The following EPSTI1 variants were observed in gnomAD, a reference collection of about 807,000 sequenced individuals.
EPSTI1 encodes epithelial stromal interaction 1.
A neutral mutation model predicts 49.9 loss-of-function variants in EPSTI1; 66 were observed. The ratio of observed to expected loss-of-function variants is 1.32; its 90% CI spans 1.08 to 1.62. The LOEUF is 1.62. Ranked by LOEUF, EPSTI1 falls within the 40% of genes most tolerant of loss-of-function variation. EPSTI1 has a pLI of 0.00. For missense variants in EPSTI1, 394 were observed against 365.5 expected (o/e 1.08, Z -0.64); for synonymous variants, 137 against 130.7 (o/e 1.05, Z -0.33).
Position 42,926,211 on chromosome 13 carries a change from A to T in EPSTI1, c.657+125T>A, listed in dbSNP as rs530914377. 5 of 695,206 alleles carry T rather than the reference A, an allele frequency of 7.2e-6. No homozygotes were observed. In the East Asian group the frequency reaches 1.2e-4, roughly 17 times the overall value. 43.1% of individuals were successfully genotyped at this position (695,206 alleles called of 1,614,324 possible). A position where few individuals can be genotyped will look rare whatever the true frequency, so the allele number is the denominator to read the frequency against. On this transcript the variant is annotated intron_variant, in intron 7 of 10. Coordinates refer to ENST00000313624, the MANE Select transcript of EPSTI1 (RefSeq NM_033255.5). ...GCAACAGTTGAGGTCAAAGTTTCGGATCAGGTCATCTGTCTTTAGTTCCAG... is the reference window on the plus strand; with the variant it reads ...GCAACAGTTGAGGTCAAAGTTTCGGTTCAGGTCATCTGTCTTTAGTTCCAG...
chr13:42,958,982 C>T (rs566236660), intron 5 of EPSTI1, among the ~76,000 whole-genome samples: 13 of 152,232 alleles, frequency 8.5e-5, no homozygotes, highest in South Asian at 4.2e-4. Context: ...ATACTCTCTA[C>T]GCCCCCCTTC....
chr13:42,945,131 G>A (rs1425048752), intron 6 of EPSTI1, among the ~76,000 whole-genome samples: 2 of 152,160 alleles, frequency 1.3e-5, no homozygotes. Flanking sequence ...AGAAAAAGAG[G>A]TTTAATTGAC....
intron 3 of EPSTI1, 79 bp from the exon 4 acceptor site, chr13:42,964,218 A>T: frequency 1.9e-6 from 2 of 1,077,378 alleles, no homozygotes; most frequent in Non-Finnish European, 2.7e-6. Flanking sequence ...ATTAATATAT[A>T]ATAAATCTAT....
At chr13:42,986,681 G>C (rs2040084967) in intron 1 of EPSTI1, among the ~76,000 whole-genome samples, 1 of 143,916 alleles carries the variant, frequency 6.9e-6, no homozygotes. Flanking sequence ...GGAGGCAGAG[G>C]TGGCAGTGAA....
rs1010381306 is a variant in EPSTI1, at chr13:42,922,806, G to T, written c.657+3530C>A. On this transcript the variant is annotated intron_variant, in intron 7 of 10. Coordinates refer to ENST00000313624, the MANE Select transcript of EPSTI1 (RefSeq NM_033255.5). This position sits in a 1 kb window ranked among gnomAD's most constrained non-coding sequence, Gnocchi z 4.8. ...ACTGAGTGCTCACAGTAGTGTGAGA[G>T]AGGAGAGCTGGAGAGGCATGAGCTA... is the stretch of plus-strand genomic sequence containing the variant. Among the ~76,000 whole-genome samples, 4 of 152,220 alleles carry T rather than the reference G, an allele frequency of 2.6e-5. No individual in the cohort carries two copies. The highest frequency in any genetic ancestry group is 5.9e-5 in the Non-Finnish European group (4 of 68,042).
At chr13:42,963,968 A>C in intron 4 of EPSTI1, 98 bp downstream of exon 4, 1 of 1,093,194 alleles carries the variant, frequency 9.1e-7, no homozygotes, top group Non-Finnish European at 1.3e-6. Context: ...GGAAGGTTTT[A>C]TACTTTTGGT....
intron 1 of EPSTI1, among the ~76,000 whole-genome samples, chr13:42,991,667 G>T (rs1280500847): frequency 1.3e-5 from 2 of 152,218 alleles, no homozygotes; most frequent in Non-Finnish European, 1.5e-5. Context: ...CCTGGAAAAT[G>T]ACATCTTACT....
intron 1 of EPSTI1, among the ~76,000 whole-genome samples, chr13:42,979,599 AAAAG>A (rs1298412067): frequency 0.27 from 35,646 of 131,502 alleles, 4,830 homozygotes; most frequent in East Asian, 0.37. Flanking sequence ...AAAAAAAAAA[AAAAG>A]AAAAGAAAAG....
At chr13:42,909,117 T>G (rs1221518697) in intron 8 of EPSTI1, among the ~76,000 whole-genome samples, 2 of 149,606 alleles carry the variant, frequency 1.3e-5, no homozygotes, top group Non-Finnish European at 3.0e-5. Flanking sequence ...ATTTAAAAAA[T>G]AGGCAAAAGG....
Position 42,963,298 on chromosome 13 carries a change from T to G in EPSTI1, c.446A>C (p.Glu149Ala), listed in dbSNP as rs763881170. The G allele has an allele frequency of 6.2e-7, 1 of 1,613,836 alleles. No homozygotes were observed. The highest frequency in any genetic ancestry group is 8.5e-7 in the Non-Finnish European group (1 of 1,179,934). The part of the protein sequence containing the change: ...EESVRIKKEA[E>A]EAELQKMKAI... Reference sequence around the variant, plus strand: ...CTTCATTTTTTGGAGTTCAGCTTCTTCAGCTTCCTTCTTGATTCTTACAGA... The same window carrying G: ...CTTCATTTTTTGGAGTTCAGCTTCTGCAGCTTCCTTCTTGATTCTTACAGA... Residue 149 changes from glutamate to alanine, a missense_variant, in exon 5 of 11, where the codon GAA (glutamate) becomes GCA (alanine). Glu to Ala is a moderately radical substitution (Grantham distance 107). Transcript: ENST00000313624.
At chr13:42,974,520 G>C (rs551605846) in intron 1 of EPSTI1, among the ~76,000 whole-genome samples, 1 of 151,926 alleles carries the variant, frequency 6.6e-6, no homozygotes, top group Non-Finnish European at 1.5e-5. Context: ...TTAGCCGGGC[G>C]TGGTGGTGGG....
chr13:42,929,603 T>G (rs2038296319), intron 6 of EPSTI1, among the ~76,000 whole-genome samples: 1 of 152,212 alleles, frequency 6.6e-6, no homozygotes, highest in Non-Finnish European at 1.5e-5. Flanking sequence ...CCTGGTAGTT[T>G]TTGGTTAACG....
At chr13:42,937,896 G>A (rs967830291) in intron 6 of EPSTI1, among the ~76,000 whole-genome samples, 2 of 152,078 alleles carry the variant, frequency 1.3e-5, no homozygotes, top group Non-Finnish European at 2.9e-5. Flanking sequence ...AGTTTGCCCA[G>A]ATCAATCAGA....
intron 8 of EPSTI1, among the ~76,000 whole-genome samples, chr13:42,907,740 C>T (rs1387375952): frequency 6.6e-6 from 1 of 152,106 alleles, no homozygotes; most frequent in African/African-American, 2.4e-5. Flanking sequence ...CCTCAAATTC[C>T]ATTGAAATTT....
At chr13:42,917,973 T>G in intron 7 of EPSTI1, among the ~76,000 whole-genome samples, 1 of 152,220 alleles carries the variant, frequency 6.6e-6, no homozygotes, top group South Asian at 2.1e-4. Context: ...ATATTCCGAC[T>G]AGCTGATCAG....
intron 6 of EPSTI1, among the ~76,000 whole-genome samples, chr13:42,949,880 T>G (rs2039044432): frequency 6.8e-6 from 1 of 146,900 alleles, no homozygotes; most frequent in Admixed American, 6.8e-5. Flanking sequence ...AAATTACCAA[T>G]TAAAATTTTA....
At chr13:42,967,337 G>A (rs1022695566) in intron 3 of EPSTI1, among the ~76,000 whole-genome samples, 2 of 150,990 alleles carry the variant, frequency 1.3e-5, no homozygotes, top group Non-Finnish European at 3.0e-5. Flanking sequence ...ACCTCAACCT[G>A]CATTTTTAAG....
Position 42,922,450 on chromosome 13 carries a change from G to A in EPSTI1, c.657+3886C>T, listed in dbSNP as rs770913666. ...GTTGGGTGAGATGGAAGCTAAACTGGAGCCATGCAGCCGTGTGCCAAGGGT... is the reference window on the plus strand; with the variant it reads ...GTTGGGTGAGATGGAAGCTAAACTGAAGCCATGCAGCCGTGTGCCAAGGGT... On this transcript the variant is annotated intron_variant, in intron 7 of 10. Coordinates refer to ENST00000313624, the MANE Select transcript of EPSTI1 (RefSeq NM_033255.5). The surrounding 1 kb of genome is among the most constrained non-coding windows in gnomAD (Gnocchi z 4.8). 2.6e-5 allele frequency among the ~76,000 whole-genome samples: 4 copies of A among 152,160 alleles called. No individual in the cohort carries two copies. Among genetic ancestry groups the A allele is most frequent in the Admixed American group, 2.6e-4 (4 of 15,280 alleles).
intron 9 of EPSTI1, among the ~76,000 whole-genome samples, chr13:42,897,390 T>C (rs1465046467): frequency 6.6e-6 from 1 of 152,226 alleles, no homozygotes; most frequent in East Asian, 1.9e-4. Flanking sequence ...TTGACTTCCA[T>C]TTCTCTCCTC....
Sources: gnomAD v4.1 joint callset for allele counts (sites outside exome capture counted in the v4.1 genomes callset) on GRCh38, gnomAD v4.1.1 for gene constraint, Gnocchi (gnomAD v3.1) non-coding constraint, MANE v1.5 for transcripts, NCBI Gene and HGNC (gene_info 2026-07-23, HGNC 2026-07-21) for gene names.